The following RCAN2 variants were observed in gnomAD, a reference collection of about 807,000 sequenced individuals.
The protein encoded by RCAN2 is regulator of calcineurin 2.
A neutral mutation model predicts 23.6 loss-of-function variants in RCAN2; 9 were observed. The ratio of observed to expected loss-of-function variants is 0.38; its 90% CI spans 0.23 to 0.67. The LOEUF is 0.67. Ranked by LOEUF, RCAN2 falls within the 30% of genes least tolerant of loss-of-function variation. The probability of loss-of-function intolerance (pLI) is 0.51; values close to 1 mark genes in which losing one functional copy is unlikely to be tolerated. For synonymous variants in RCAN2, 109 were observed against 115.7 expected (o/e 0.94, Z 0.37); for missense variants, 273 against 302.3 (o/e 0.90, Z 0.72).
chr6:46,305,598 T>C (rs116267556), intron 2 of RCAN2, among the ~76,000 whole-genome samples: 1,800 of 152,140 alleles, frequency 0.012, 32 homozygotes, highest in African/African-American at 0.041. Context: ...TACACTTTTA[T>C]AACTTCAAAG....
intron 2 of RCAN2, among the ~76,000 whole-genome samples, chr6:46,285,906 G>A (rs987392144): frequency 6.6e-6 from 1 of 152,134 alleles, no homozygotes; most frequent in Non-Finnish European, 1.5e-5. Context: ...TAGGTAAGGA[G>A]CCCATTCTTT....
At chr6:46,370,046 A>G (rs946441619) in intron 2 of RCAN2, among the ~76,000 whole-genome samples, 3 of 152,134 alleles carry the variant, frequency 2.0e-5, no homozygotes, top group Admixed American at 6.5e-5. Context: ...GGCAGGTCTC[A>G]GGTCTGTGGT....
At chr6:46,491,923 T>C (rs1467132616), upstream of RCAN2, 1 of 152,358 alleles carries the variant, frequency 6.6e-6, no homozygotes, top group African/African-American at 2.4e-5. Context: ...GGGGAGCCCC[T>C]GGATGGTCCT....
At chr6:46,452,013 ATTTATG>A (rs1767897023) in intron 2 of RCAN2, among the ~76,000 whole-genome samples, 1 of 152,184 alleles carries the variant, frequency 6.6e-6, no homozygotes. Flanking sequence ...CACTGTCAGC[ATTTATG>A]TTTATTAGTT....
At chr6:46,422,801 A>G (rs1213925945) in intron 2 of RCAN2, among the ~76,000 whole-genome samples, 2 of 152,240 alleles carry the variant, frequency 1.3e-5, no homozygotes, top group Admixed American at 1.3e-4. Context: ...AAGGCAGAGA[A>G]GTTGAAAATA....
chr6:46,399,022 T>A (rs1212766447), intron 2 of RCAN2, among the ~76,000 whole-genome samples: 1 of 152,056 alleles, frequency 6.6e-6, no homozygotes, highest in African/African-American at 2.4e-5. Context: ...AAATGTTAAA[T>A]CAACTGGAGT....
chr6:46,410,862 C>T (rs1334300851), intron 2 of RCAN2, among the ~76,000 whole-genome samples: 3 of 152,138 alleles, frequency 2.0e-5, no homozygotes, highest in African/African-American at 7.2e-5. Context: ...CCTTTTATAT[C>T]CATGATTATG....
chr6:46,446,485 A>G (rs1195268895), intron 2 of RCAN2, among the ~76,000 whole-genome samples: 1 of 152,222 alleles, frequency 6.6e-6, no homozygotes, highest in Non-Finnish European at 1.5e-5. Context: ...GAGGATGCTA[A>G]TTAGTAATAC....
At chr6:46,343,685 T>C (rs1454213170) in intron 2 of RCAN2, among the ~76,000 whole-genome samples, 1 of 152,170 alleles carries the variant, frequency 6.6e-6, no homozygotes, top group Non-Finnish European at 1.5e-5. Context: ...AGGAAAACAA[T>C]TTGATAGTAT....
intron 2 of RCAN2, among the ~76,000 whole-genome samples, chr6:46,263,543 G>GTATA (rs757928904): frequency 1.6e-5 from 2 of 124,010 alleles, no homozygotes; most frequent in Non-Finnish European, 3.6e-5. Context: ...GTGTGTATGT[G>GTATA]TGTGTGTGTG....
At chr6:46,485,693 C>T (rs1768974073) in intron 1 of RCAN2, among the ~76,000 whole-genome samples, 1 of 152,046 alleles carries the variant, frequency 6.6e-6, no homozygotes, top group Non-Finnish European at 1.5e-5. Context: ...CCACATCATG[C>T]CTATCCTTTC....
At chr6:46,396,265 T>C (rs2150400681) in intron 2 of RCAN2, among the ~76,000 whole-genome samples, 1 of 152,194 alleles carries the variant, frequency 6.6e-6, no homozygotes. Flanking sequence ...CAAGCACAGG[T>C]TGGATTTCTT....
At chr6:46,406,303 G>A (rs1468903559) in intron 2 of RCAN2, among the ~76,000 whole-genome samples, 1 of 152,198 alleles carries the variant, frequency 6.6e-6, no homozygotes, top group Non-Finnish European at 1.5e-5. Flanking sequence ...AGGGCTCTGA[G>A]GAGTGCCAGC....
At chr6:46,256,820 C>A (rs1766933819) in intron 2 of RCAN2, among the ~76,000 whole-genome samples, 1 of 152,074 alleles carries the variant, frequency 6.6e-6, no homozygotes, top group African/African-American at 2.4e-5. Flanking sequence ...ACATTGAAGC[C>A]AAGAAGGAGG....
At chr6:46,237,084 C>G (rs933127445) in intron 4 of RCAN2, among the ~76,000 whole-genome samples, 1 of 152,200 alleles carries the variant, frequency 6.6e-6, no homozygotes, top group Non-Finnish European at 1.5e-5. Flanking sequence ...TCTCATACTT[C>G]CCACTGTTTA....
intron 2 of RCAN2, among the ~76,000 whole-genome samples, chr6:46,284,308 C>G (rs779927512): frequency 3.3e-5 from 5 of 152,106 alleles, no homozygotes; most frequent in African/African-American, 1.2e-4. Context: ...CACTATTCCA[C>G]TCTGTGACTC....
chr6:46,482,378 G>T (rs901448769), intron 1 of RCAN2, among the ~76,000 whole-genome samples: 1 of 152,120 alleles, frequency 6.6e-6, no homozygotes, highest in Non-Finnish European at 1.5e-5. Flanking sequence ...GGTGAGAGAA[G>T]AAGAATGAAA....
intron 1 of RCAN2, among the ~76,000 whole-genome samples, chr6:46,483,397 C>T (rs148135156): frequency 8.5e-5 from 13 of 152,276 alleles, no homozygotes; most frequent in African/African-American, 2.9e-4. Flanking sequence ...ACAACAGACA[C>T]TGAACCTCCC....
At chr6:46,295,937 T>A (rs1762710737) in intron 2 of RCAN2, among the ~76,000 whole-genome samples, 1 of 151,602 alleles carries the variant, frequency 6.6e-6, no homozygotes, top group Non-Finnish European at 1.5e-5. Flanking sequence ...GGAAGTAGGC[T>A]ATGGAACAGA....
Sources: allele counts gnomAD v4.1 joint callset (sites outside exome capture counted in the v4.1 genomes callset), GRCh38; gene constraint gnomAD v4.1.1; transcripts MANE v1.5; gene names NCBI Gene and HGNC (gene_info 2026-07-23, HGNC 2026-07-21).